The following BLTP3B variants were observed in gnomAD, a reference collection of about 807,000 sequenced individuals.
BLTP3B encodes bridge-like lipid transfer protein family member 3B, also known as UHRF1 (ICBP90) binding protein 1-like.
At chr12:100,127,679 G>A in the BLTP3B span, among the ~76,000 whole-genome samples, 1 of 152,164 alleles carries the variant, frequency 6.6e-6, no homozygotes, top group Admixed American at 6.5e-5. Flanking sequence ...AAAGACAGGA[G>A]AGGGTAGAAG....
the BLTP3B span, among the ~76,000 whole-genome samples, chr12:100,120,760 C>T: frequency 6.6e-6 from 1 of 151,788 alleles, no homozygotes; most frequent in African/African-American, 2.4e-5. Context: ...AGCTTAGGAC[C>T]TTCATATGAA....
chr12:100,084,881 A>T, the BLTP3B span, among the ~76,000 whole-genome samples: 1 of 152,158 alleles, frequency 6.6e-6, no homozygotes, highest in Non-Finnish European at 1.5e-5. Context: ...TCTATCTAGT[A>T]CCCATTCTTA....
At chr12:100,133,274 C>G in the BLTP3B span, among the ~76,000 whole-genome samples, 3 of 151,970 alleles carry the variant, frequency 2.0e-5, no homozygotes, top group Non-Finnish European at 4.4e-5. Flanking sequence ...ACAAATAAAA[C>G]CTGTCTTTTA....
the BLTP3B span, among the ~76,000 whole-genome samples, chr12:100,107,532 G>A: frequency 6.6e-6 from 1 of 151,638 alleles, no homozygotes; most frequent in South Asian, 2.1e-4. Flanking sequence ...CTACTTGGGA[G>A]GCTGAGGCAG....
the BLTP3B span, chr12:100,051,359 A>C: frequency 1.5e-6 from 1 of 649,442 alleles, no homozygotes; most frequent in East Asian, 3.1e-5. Context: ...TGGACCAAGA[A>C]AAATTAGATT....
the BLTP3B span, among the ~76,000 whole-genome samples, chr12:100,109,856 G>A: frequency 6.6e-6 from 1 of 151,824 alleles, no homozygotes; most frequent in African/African-American, 2.4e-5. Flanking sequence ...TGGCATACAT[G>A]CGTGACTATT....
At chr12:100,092,641 A>C in the BLTP3B span, 3 of 152,758 alleles carry the variant, frequency 2.0e-5, no homozygotes, top group African/African-American at 7.2e-5. Context: ...TTCCTAATAT[A>C]TATGTATCTA....
At chr12:100,088,461 A>T in the BLTP3B span, among the ~76,000 whole-genome samples, 5 of 152,234 alleles carry the variant, frequency 3.3e-5, no homozygotes, top group Admixed American at 6.5e-5. Context: ...AGGTGGCCAT[A>T]AAATATGTTA....
At chr12:100,125,230 G>A in the BLTP3B span, among the ~76,000 whole-genome samples, 1 of 150,490 alleles carries the variant, frequency 6.6e-6, no homozygotes, top group Non-Finnish European at 1.5e-5. Flanking sequence ...TACTCAGGGA[G>A]GCTGAAGCAG....
At chr12:100,059,734 G>T in the BLTP3B span, 1 of 1,208,618 alleles carries the variant, frequency 8.3e-7, no homozygotes, top group Non-Finnish European at 1.1e-6. Context: ...ACTAAGAAGA[G>T]AATCTTTTTA....
At chr12:100,109,887 C>G in the BLTP3B span, among the ~76,000 whole-genome samples, 1 of 152,084 alleles carries the variant, frequency 6.6e-6, no homozygotes, top group Non-Finnish European at 1.5e-5. Context: ...CCCATGATAA[C>G]CTATTAGGGT....
At chr12:100,069,600 C>T in the BLTP3B span, among the ~76,000 whole-genome samples, 1 of 152,002 alleles carries the variant, frequency 6.6e-6, no homozygotes, top group Non-Finnish European at 1.5e-5. Flanking sequence ...AGTGAAGTAA[C>T]TCAGAAACAG....
chr12:100,118,151 A>T, the BLTP3B span, among the ~76,000 whole-genome samples: 1 of 152,190 alleles, frequency 6.6e-6, no homozygotes, highest in Non-Finnish European at 1.5e-5. Context: ...CCCCAATTGA[A>T]GGACACTGTA....
At chr12:100,124,514 G>T in the BLTP3B span, among the ~76,000 whole-genome samples, 1 of 151,356 alleles carries the variant, frequency 6.6e-6, no homozygotes, top group Non-Finnish European at 1.5e-5. Flanking sequence ...GGAGGCTGAG[G>T]AGGGTAGATC....
At chr12:100,113,461 T>TA in the BLTP3B span, among the ~76,000 whole-genome samples, 29 of 149,996 alleles carry the variant, frequency 1.9e-4, no homozygotes, top group Admixed American at 4.7e-4. Flanking sequence ...AGACTCTGTG[T>TA]AAAAAAAAAA....
the BLTP3B span, among the ~76,000 whole-genome samples, chr12:100,121,432 G>A: frequency 6.6e-6 from 1 of 151,768 alleles, no homozygotes. Context: ...CCAGGAATGA[G>A]GCAGAAGGAG....
the BLTP3B span, among the ~76,000 whole-genome samples, chr12:100,060,394 C>T: frequency 6.6e-6 from 1 of 152,094 alleles, no homozygotes; most frequent in African/African-American, 2.4e-5. Flanking sequence ...TACCAAGAAG[C>T]AAACCTCTAA....
chr12:100,067,281 C>A, the BLTP3B span, among the ~76,000 whole-genome samples: 1 of 151,898 alleles, frequency 6.6e-6, no homozygotes, highest in Non-Finnish European at 1.5e-5. Context: ...CCTCAAGGAA[C>A]TAGAGAAACA....
At chr12:100,124,101 C>T in the BLTP3B span, among the ~76,000 whole-genome samples, 5 of 151,424 alleles carry the variant, frequency 3.3e-5, no homozygotes, top group African/African-American at 4.9e-5. Context: ...CCCATCTCTA[C>T]GAGAATTTTT....
Sources: allele counts gnomAD v4.1 joint callset (sites outside exome capture counted in the v4.1 genomes callset), GRCh38; gene constraint gnomAD v4.1.1; transcripts MANE v1.5; gene names NCBI Gene and HGNC (gene_info 2026-07-23, HGNC 2026-07-21).